HPGDS: variants seen among roughly 807,000 people sequenced by gnomAD.
HPGDS encodes hematopoietic prostaglandin D synthase, also known as GST class-sigma.
Under a neutral mutation model 23.1 loss-of-function variants are expected in HPGDS, and 26 were observed. The ratio of observed to expected loss-of-function variants is 1.13; its 90% confidence interval spans 0.83 to 1.56. The LOEUF is 1.56. HPGDS is among the 40% of genes most tolerant of loss of function. HPGDS has a pLI of 0.00. For synonymous variants in HPGDS, 95 were observed against 77.9 expected (o/e 1.22, Z -1.16); for missense variants, 268 against 236.4 (o/e 1.13, Z -0.88).
At chr4:94,321,389 C>G (rs1156866267) in intron 2 of HPGDS, among the ~76,000 whole-genome samples, 1 of 152,122 alleles carries the variant, frequency 6.6e-6, no homozygotes, top group Non-Finnish European at 1.5e-5. Flanking sequence ...TTCTTCCTAC[C>G]CATGAGCATG....
chr4:94,321,600 TG>T (rs1255945324), intron 2 of HPGDS, among the ~76,000 whole-genome samples: 3 of 152,234 alleles, frequency 2.0e-5, no homozygotes, highest in African/African-American at 7.2e-5. Flanking sequence ...TTGTGATTTT[TG>T]TACATTGATT....
chr4:94,336,941 T>G (rs1335566771), intron 1 of HPGDS, among the ~76,000 whole-genome samples: 1 of 109,882 alleles, frequency 9.1e-6, no homozygotes, highest in East Asian at 2.1e-4. Context: ...GGTTTCTATT[T>G]GGTGTTTCGT....
At chr4:94,306,305 T>C (rs1203092447) in intron 4 of HPGDS, among the ~76,000 whole-genome samples, 1 of 152,144 alleles carries the variant, frequency 6.6e-6, no homozygotes, top group Non-Finnish European at 1.5e-5. Context: ...GACGTCTATT[T>C]AGAATTCTGC....
intron 2 of HPGDS, among the ~76,000 whole-genome samples, chr4:94,328,970 A>G (rs1293486199): frequency 1.3e-5 from 2 of 152,220 alleles, no homozygotes; most frequent in Non-Finnish European, 2.9e-5. Flanking sequence ...AAATACCTTT[A>G]AGTACTTACC....
At chr4:94,305,137 C>T (rs1756116968) in intron 4 of HPGDS, among the ~76,000 whole-genome samples, 1 of 152,118 alleles carries the variant, frequency 6.6e-6, no homozygotes, top group Non-Finnish European at 1.5e-5. Context: ...GCCATAGGCA[C>T]ATATGCTAAC....
At chr4:94,314,260 C>G (rs941119899) in intron 3 of HPGDS, among the ~76,000 whole-genome samples, 6 of 152,164 alleles carry the variant, frequency 3.9e-5, no homozygotes, top group Admixed American at 3.9e-4. Flanking sequence ...TTTTCCCCAT[C>G]TTTGTGGTTT....
intron 1 of HPGDS, among the ~76,000 whole-genome samples, chr4:94,340,299 TTCTTTCTTTCTC>T (rs1560597943): frequency 0.01 from 761 of 74,924 alleles, 18 homozygotes; most frequent in African/African-American, 0.032. Context: ...CTTTCTTTCT[TTCTTTCTTTCTC>T]TTTTTTTTTT....
intron 2 of HPGDS, among the ~76,000 whole-genome samples, chr4:94,327,073 A>T (rs1002666669): frequency 6.6e-6 from 1 of 152,042 alleles, no homozygotes; most frequent in Admixed American, 6.6e-5. Flanking sequence ...AAGTGGACTC[A>T]TCCTCAGGCA....
intron 3 of HPGDS, 74 bp from the exon 4 acceptor site, chr4:94,308,817 A>T: frequency 1.4e-6 from 1 of 719,200 alleles, no homozygotes; most frequent in South Asian, 1.9e-5. Flanking sequence ...CAGATAGTAT[A>T]CTCATATGGT....
At chr4:94,340,305 CTTTCTCTTTTTTTTTTTTTTTTTT>C (rs1721121324) in intron 1 of HPGDS, among the ~76,000 whole-genome samples, 35 of 26,222 alleles carry the variant, frequency 1.3e-3, no homozygotes, top group African/African-American at 4.4e-3. Flanking sequence ...TTCTTTCTTT[CTTTCTCTTTTTTTTTTTTTTTTTT>C]TTTTTTTTTT....
intron 3 of HPGDS, among the ~76,000 whole-genome samples, chr4:94,309,840 T>C (rs1280720530): frequency 6.6e-6 from 1 of 152,176 alleles, no homozygotes; most frequent in Non-Finnish European, 1.5e-5. Context: ...TGTGAGATGG[T>C]ATCTCATTGT....
At chr4:94,311,984 AT>A (rs1340070962) in intron 3 of HPGDS, among the ~76,000 whole-genome samples, 1 of 152,020 alleles carries the variant, frequency 6.6e-6, no homozygotes, top group East Asian at 1.9e-4. Context: ...CTGTGGTTAT[AT>A]CCCCTTTATC....
chr4:94,322,025 G>A (rs531130207), intron 2 of HPGDS, among the ~76,000 whole-genome samples: 5 of 152,290 alleles, frequency 3.3e-5, no homozygotes, highest in South Asian at 2.1e-4. Context: ...AGACGATCAT[G>A]TGGTTTTTGT....
chr4:94,339,896 G>A (rs1017729331), intron 1 of HPGDS, among the ~76,000 whole-genome samples: 1 of 152,020 alleles, frequency 6.6e-6, no homozygotes, highest in Non-Finnish European at 1.5e-5. Context: ...TTTTATAAGG[G>A]ATTTCCCCTT....
intron 2 of HPGDS, among the ~76,000 whole-genome samples, chr4:94,324,811 G>A (rs1000622771): frequency 1.3e-5 from 2 of 152,174 alleles, no homozygotes; most frequent in Admixed American, 1.3e-4. Context: ...CTCGCAAGGA[G>A]CTGCGATCCT....
rs752590483 is a variant in HPGDS, at chr4:94,334,463, T to G, written c.133+34A>C. On this transcript the variant is annotated intron_variant, in intron 2 of 5. Coordinates refer to ENST00000295256, the MANE Select transcript of HPGDS (RefSeq NM_014485.3). The stretch of plus-strand genomic sequence containing the variant: ...GGAAAAACAAAAGGTTCTGAAAGCA[T>G]ATTTTTCCTACATTTATTATTTTTG... 4 of 1,537,396 alleles carry G rather than the reference T, an allele frequency of 2.6e-6. No homozygotes were observed. In the East Asian group the frequency reaches 9.3e-5, roughly 36 times the overall value.
chr4:94,314,589 GA>G (rs1756355185), intron 3 of HPGDS, among the ~76,000 whole-genome samples: 3 of 152,202 alleles, frequency 2.0e-5, no homozygotes, highest in Non-Finnish European at 4.4e-5. Flanking sequence ...AGGGGTCAGA[GA>G]CCCACTTGAG....
rs139178497 is a variant in HPGDS at position 94,307,836 on chromosome 4, C to T, written c.336+798G>A. ...GTGAGAAAGAAAATATAAAAGCATA[C>T]TACAGTGCACAGTTCTGTGCATTAT... On this transcript the variant is annotated intron_variant, in intron 4 of 5. Transcript: ENST00000295256. 5.8e-3 allele frequency among the ~76,000 whole-genome samples: 877 copies of T among 152,244 alleles called. 6 individuals are homozygous for T. The highest frequency in any genetic ancestry group is 0.054 in the Middle Eastern group (16 of 294).
intron 4 of HPGDS, among the ~76,000 whole-genome samples, chr4:94,306,085 T>C (rs771789330): frequency 6.6e-6 from 1 of 152,090 alleles, no homozygotes; most frequent in Non-Finnish European, 1.5e-5. Flanking sequence ...TCTGATCACT[T>C]ATTCAACAAG....
Sources: gnomAD v4.1 joint callset for allele counts (sites outside exome capture counted in the v4.1 genomes callset) on GRCh38, gnomAD v4.1.1 for gene constraint, MANE v1.5 for transcripts, NCBI Gene and HGNC (gene_info 2026-07-23, HGNC 2026-07-21) for gene names.